Variants in PARD3 observed in about 807,000 individuals in gnomAD.
PARD3 encodes partitioning defective 3 homolog.
PARD3 carries 75 observed loss-of-function variants against 155.4 expected under a neutral mutation model. That is an observed-to-expected ratio of 0.48 (90% CI 0.40 to 0.58). The LOEUF is 0.58. Ranked by LOEUF, PARD3 falls within the 20% of genes least tolerant of loss-of-function variation. The pLI is 0.00. For missense variants in PARD3, 1,642 were observed against 1,721.7 expected (o/e 0.95, Z 0.82); for synonymous variants, 576 against 610.5 (o/e 0.94, Z 0.83).
At chr10:34,337,596 T>C (rs1250051181) in intron 16 of PARD3, among the ~76,000 whole-genome samples, 170 bp from the exon 17 acceptor site, 1 of 152,088 alleles carries the variant, frequency 6.6e-6, no homozygotes, top group Non-Finnish European at 1.5e-5. Context: ...TGTGGCTGTA[T>C]AGAAAGTGAT....
chr10:34,811,469 C>T (rs1480182184), intron 1 of PARD3, among the ~76,000 whole-genome samples: 1 of 152,158 alleles, frequency 6.6e-6, no homozygotes, highest in Non-Finnish European at 1.5e-5. Flanking sequence ...ACCCAGTTAG[C>T]AAGCACTGCC....
intron 7 of PARD3, among the ~76,000 whole-genome samples, chr10:34,385,533 A>G (rs1045182576): frequency 6.6e-6 from 1 of 152,194 alleles, no homozygotes; most frequent in African/African-American, 2.4e-5. Context: ...TAATCCTAAT[A>G]AAGAGACAAA....
intron 2 of PARD3, among the ~76,000 whole-genome samples, chr10:34,609,986 T>C (rs2090761536): frequency 1.3e-5 from 2 of 152,220 alleles, no homozygotes; most frequent in Admixed American, 6.5e-5. Context: ...AATTTCTAGC[T>C]AGTGGAAATA....
At chr10:34,461,585 G>A (rs564206886) in intron 4 of PARD3, among the ~76,000 whole-genome samples, 2 of 152,170 alleles carry the variant, frequency 1.3e-5, no homozygotes, top group South Asian at 2.1e-4. Context: ...CAGCCTGGGC[G>A]ACAGAGTGAG....
At chr10:34,473,153 C>T (rs2133104595) in intron 3 of PARD3, among the ~76,000 whole-genome samples, 1 of 152,300 alleles carries the variant, frequency 6.6e-6, no homozygotes, top group East Asian at 1.9e-4. Context: ...ACAGCGAATG[C>T]TCTATCATGC....
Position 34,466,089 on chromosome 10 carries a change from G to A in PARD3, c.582+3996C>T, listed in dbSNP as rs1343070809. Among the ~76,000 whole-genome samples the A allele has an allele frequency of 3.9e-5, 6 of 152,044 alleles. 1 individual carries two copies. Among genetic ancestry groups the A allele is most frequent in the Non-Finnish European group, 7.4e-5 (5 of 68,022 alleles). On this transcript the variant is annotated intron_variant, in intron 4 of 24. Coordinates refer to ENST00000374788, the MANE Select transcript of PARD3 (RefSeq NM_001184785.2). ...TTTCCACACAAAGTATGAGCAAAAT[G>A]TTCCCTAAAACAGTTGGAAAAGGTA...
chr10:34,473,763 T>C (rs948185283), intron 3 of PARD3, among the ~76,000 whole-genome samples: 1 of 152,226 alleles, frequency 6.6e-6, no homozygotes, highest in African/African-American at 2.4e-5. Context: ...AATAACCTAA[T>C]GTCCCAGTTA....
intron 1 of PARD3, among the ~76,000 whole-genome samples, chr10:34,781,218 G>A (rs1237747416): frequency 6.6e-6 from 1 of 152,238 alleles, no homozygotes; most frequent in Non-Finnish European, 1.5e-5. Context: ...AGCCTGCACA[G>A]CTGCAGACGC....
At chr10:34,194,493 C>T (rs1398683009) in intron 22 of PARD3, among the ~76,000 whole-genome samples, 1 of 152,044 alleles carries the variant, frequency 6.6e-6, no homozygotes, top group Non-Finnish European at 1.5e-5. Flanking sequence ...TTGAGATGAT[C>T]TCTCTAAAGT....
intron 2 of PARD3, among the ~76,000 whole-genome samples, chr10:34,603,905 C>T (rs1294071322): frequency 6.6e-6 from 1 of 152,140 alleles, no homozygotes; most frequent in Non-Finnish European, 1.5e-5. Context: ...CGACACGCAG[C>T]CAATCCCTCC....
intron 22 of PARD3, among the ~76,000 whole-genome samples, chr10:34,184,492 A>G (rs1022681761): frequency 1.1e-4 from 16 of 152,192 alleles, no homozygotes; most frequent in African/African-American, 3.9e-4. Flanking sequence ...AAGTGCTTGT[A>G]GATCCACAAG....
chr10:34,812,700 C>CT (rs761052352), intron 1 of PARD3, among the ~76,000 whole-genome samples: 2 of 152,144 alleles, frequency 1.3e-5, no homozygotes, highest in African/African-American at 2.4e-5. Flanking sequence ...CTACAGAACT[C>CT]TAAGTTGTAC....
chr10:34,596,560 C>G (rs1185891680), intron 2 of PARD3, among the ~76,000 whole-genome samples: 3 of 152,178 alleles, frequency 2.0e-5, no homozygotes, highest in African/African-American at 7.2e-5. Flanking sequence ...CACACACTAT[C>G]ACAAGAACAG....
At chr10:34,762,469 C>CTTTTTTTTTTT (rs72049773) in intron 1 of PARD3, among the ~76,000 whole-genome samples, 7 of 98,660 alleles carry the variant, frequency 7.1e-5, no homozygotes, top group Non-Finnish European at 1.2e-4. Context: ...CCATGCCTGA[C>CTTTTTTTTTTT]TTTTTTTTTT....
chr10:34,802,619 T>C (rs1256762404), intron 1 of PARD3, among the ~76,000 whole-genome samples: 7 of 152,294 alleles, frequency 4.6e-5, no homozygotes, highest in Admixed American at 4.6e-4. Flanking sequence ...ATTATGGACA[T>C]GTTTGGAGCA....
intron 1 of PARD3, among the ~76,000 whole-genome samples, chr10:34,716,400 A>G (rs1050048847): frequency 6.6e-6 from 1 of 152,208 alleles, no homozygotes; most frequent in Non-Finnish European, 1.5e-5. Context: ...GAACTCAGGC[A>G]AAACATAATT....
intron 5 of PARD3, among the ~76,000 whole-genome samples, chr10:34,444,155 G>A (rs1176339674): frequency 6.6e-6 from 1 of 152,212 alleles, no homozygotes; most frequent in South Asian, 2.1e-4. Context: ...TGGCTGGAAT[G>A]TGCCTTGTGC....
chr10:34,536,387 A>G (rs1188480149), intron 2 of PARD3, among the ~76,000 whole-genome samples: 1 of 152,224 alleles, frequency 6.6e-6, no homozygotes, highest in Non-Finnish European at 1.5e-5. Context: ...AACATCTATG[A>G]AAGAAGTAAC....
chr10:34,383,657 T>C lies in PARD3; in HGVS notation c.1016+472A>G, dbSNP rs541303886. Among the ~76,000 whole-genome samples, 14 of 152,282 alleles carry C rather than the reference T, an allele frequency of 9.2e-5. No individual in the cohort carries two copies. The South Asian group carries it at 2.5e-3, about 27-fold the overall frequency. On this transcript the variant is annotated intron_variant, in intron 8 of 24. Transcript: ENST00000374788. ...AACTGGCCAACTGTTATGTTTTTCA[T>C]TGACTAAGGGCCTGAATCAAGATAA...
Sources: gnomAD v4.1 joint callset for allele counts (sites outside exome capture counted in the v4.1 genomes callset) on GRCh38, gnomAD v4.1.1 for gene constraint, MANE v1.5 for transcripts, NCBI Gene and HGNC (gene_info 2026-07-23, HGNC 2026-07-21) for gene names.